The following ATAD3B variants were observed in gnomAD, a reference collection of about 807,000 sequenced individuals.
The protein encoded by ATAD3B is ATPase family AAA domain containing 3B.
A neutral mutation model predicts 70.2 loss-of-function variants in ATAD3B; 59 were observed. The ratio of observed to expected loss-of-function variants is 0.84; its 90% CI spans 0.68 to 1.04. The LOEUF (loss-of-function observed/expected upper bound fraction) is 1.04. Ranked by LOEUF, ATAD3B falls within the 50% of genes least tolerant of loss-of-function variation. ATAD3B has a pLI of 0.00. For synonymous variants in ATAD3B, 423 were observed against 388.6 expected (o/e 1.09, Z -1.04); for missense variants, 961 against 913.4 (o/e 1.05, Z -0.67).
downstream of ATAD3B, among the ~76,000 whole-genome samples, chr1:1,502,695 A>G (rs1158713719): frequency 2.1e-5 from 3 of 145,356 alleles, no homozygotes; most frequent in Non-Finnish European, 4.5e-5. Flanking sequence ...GTATTTTAGT[A>G]GAGACCGGGT....
intron 15 of ATAD3B, among the ~76,000 whole-genome samples, chr1:1,495,227 C>T (rs530542381): frequency 3.9e-5 from 6 of 152,070 alleles, no homozygotes; most frequent in South Asian, 4.1e-4. Context: ...AGTGGTGCTC[C>T]GCCTTGGGTT....
chr1:1,491,032 G>T (rs1485640896), intron 15 of ATAD3B, among the ~76,000 whole-genome samples: 1 of 152,004 alleles, frequency 6.6e-6, no homozygotes, highest in Admixed American at 6.6e-5. Flanking sequence ...CAGGCCCCGT[G>T]TGAGTTGGGT....
intron 5 of ATAD3B, 119 bp downstream of exon 5, chr1:1,481,055 A>T: frequency 2.7e-6 from 4 of 1,498,932 alleles, no homozygotes; most frequent in Non-Finnish European, 3.5e-6. Flanking sequence ...GCAGTGGGCG[A>T]GGCCTGCTGG....
At position 1,496,153 on chromosome 1, in the gene ATAD3B, G is replaced by A. The variant is rs539418392; in HGVS notation, c.*336G>A. 233 of 1,090,414 alleles carry A rather than the reference G, an allele frequency of 2.1e-4. 4 individuals are homozygous for A. Among genetic ancestry groups the A allele is most frequent in the Middle Eastern group, 8.2e-4 (2 of 2,442 alleles). The allele number at this position is 1,090,414 out of a possible 1,614,324, so 67.5% of individuals were successfully genotyped here. On this transcript the variant is annotated 3_prime_UTR_variant, in exon 16 of 16. Transcript: ENST00000673477. ...CCTGTCAGCTGGCCGGTCCAAGCCT[G>A]TGGCTGGAGCTGGTGTGTGTTTATC...
At chr1:1,475,289 TCTCTC>T (rs1422677658) in intron 1 of ATAD3B, among the ~76,000 whole-genome samples, 1 of 151,052 alleles carries the variant, frequency 6.6e-6, no homozygotes, top group African/African-American at 2.4e-5. Flanking sequence ...TTTGATCCCT[TCTCTC>T]CTTCCTGGCC....
At chr1:1,485,903 G>T in intron 9 of ATAD3B, 65 bp downstream of exon 9, 16 of 1,610,924 alleles carry the variant, frequency 9.9e-6, no homozygotes, top group Non-Finnish European at 1.4e-5. Flanking sequence ...GCTGGGCTGT[G>T]GCCCTTGCTA....
At chr1:1,503,451 T>C in the ATAD3B span, 3 of 720,574 alleles carry the variant, frequency 4.2e-6, no homozygotes, top group Non-Finnish European at 2.4e-6. Flanking sequence ...GGAAGGAGGA[T>C]GGGGAGGCAG....
intron 4 of ATAD3B, among the ~76,000 whole-genome samples, chr1:1,479,544 C>T (rs1231327824): frequency 7.1e-6 from 1 of 141,218 alleles, no homozygotes; most frequent in Non-Finnish European, 1.5e-5. Flanking sequence ...ACAACACGGG[C>T]ACGCACACAC....
At chr1:1,489,955 G>C in intron 13 of ATAD3B, 3 of 1,263,030 alleles carry the variant, frequency 2.4e-6, no homozygotes, top group Non-Finnish European at 3.0e-6. Flanking sequence ...GCGGGGCTCA[G>C]GTAGCAGGAG....
chr1:1,479,891 C>T (rs1639813147), intron 4 of ATAD3B, among the ~76,000 whole-genome samples: 1 of 144,704 alleles, frequency 6.9e-6, no homozygotes. Flanking sequence ...CACGGGCATG[C>T]ACACGCCCAC....
chr1:1,493,932 C>T (rs551212309), intron 15 of ATAD3B, among the ~76,000 whole-genome samples: 18 of 151,928 alleles, frequency 1.2e-4, no homozygotes, highest in African/African-American at 3.6e-4. Context: ...TGCTGGCTTC[C>T]TAGGATGAGT....
chr1:1,505,224 G>A, the ATAD3B span, among the ~76,000 whole-genome samples: 1 of 150,952 alleles, frequency 6.6e-6, no homozygotes, highest in Admixed American at 6.6e-5. Flanking sequence ...TCCACTGGAC[G>A]GGGGCCCTTC....
At chr1:1,503,709 C>T in the ATAD3B span, 120 of 1,602,404 alleles carry the variant, frequency 7.5e-5, no homozygotes, top group Non-Finnish European at 8.6e-5. Context: ...ACATGGGGTT[C>T]GGGCATGGAG....
chr1:1,479,355 A>ACAC (rs1639773910), intron 4 of ATAD3B, among the ~76,000 whole-genome samples: 1 of 146,564 alleles, frequency 6.8e-6, no homozygotes, highest in African/African-American at 2.6e-5. Context: ...CCTCGCACAC[A>ACAC]CACTCCCGGC....
chr1:1,479,233 CA>C lies in ATAD3B; in HGVS notation c.444+126del. 5 of 1,193,204 alleles carry C rather than the reference CA, an allele frequency of 4.2e-6. 2 individuals are homozygous for C. In the South Asian group the frequency reaches 7.2e-5, roughly 17 times the overall value. 73.9% of individuals were successfully genotyped at this position (1,193,204 alleles called of 1,614,324 possible). A position where few individuals can be genotyped will look rare whatever the true frequency, so the allele number is the denominator to read the frequency against. ...GGGTTGCTGACGGTGGGTGCTAGAG[CA>C]GGGGAAACTACTCGGACAGACACGC... On this transcript the variant is annotated intron_variant, in intron 4 of 15. Transcript: ENST00000673477.
intron 1 of ATAD3B, among the ~76,000 whole-genome samples, chr1:1,472,964 A>G (rs555695448): frequency 1.3e-5 from 2 of 151,162 alleles, no homozygotes; most frequent in South Asian, 4.2e-4. Context: ...CTGGGATTAC[A>G]GCCGCGCAGC....
chr1:1,485,315 C>T (rs1278814868), intron 8 of ATAD3B, 144 bp downstream of exon 8: 6 of 1,377,076 alleles, frequency 4.4e-6, no homozygotes, highest in Non-Finnish European at 5.9e-6. Context: ...GGTGGGTTTT[C>T]CTGTCTGGCG....
At chr1:1,509,183 C>T in the ATAD3B span, 2 of 1,611,196 alleles carry the variant, frequency 1.2e-6, no homozygotes, top group Non-Finnish European at 1.7e-6. Context: ...CGGCCTCCCT[C>T]AGCTCCCTCT....
In ATAD3B at chr1:1,482,153, A is replaced by C; in HGVS notation, c.530A>C (p.Glu177Ala). 2 of 1,609,568 alleles carry C rather than the reference A, an allele frequency of 1.2e-6. No homozygotes were observed. The highest frequency in any genetic ancestry group is 1.3e-5 in the African/African-American group (1 of 74,948). Residue 177 changes from glutamate (E) to alanine (A), a missense_variant, in exon 6 of 16, where the codon GAG (glutamate) becomes GCG (alanine). Glu to Ala is a moderately radical substitution (Grantham distance 107). Coordinates refer to ENST00000673477, the MANE Select transcript of ATAD3B (RefSeq NM_031921.6). ...EAMRRATVER[E>A]MELRHKNEML... ...TCTGGGGCAGCCACCGTGGAGCGGG[A>C]GATGGAGCTGCGGCACAAGAATGAG...
Sources: gnomAD v4.1 joint callset for allele counts (sites outside exome capture counted in the v4.1 genomes callset) on GRCh38, gnomAD v4.1.1 for gene constraint, MANE v1.5 for transcripts, NCBI Gene and HGNC (gene_info 2026-07-23, HGNC 2026-07-21) for gene names.